MAGED1: variants seen among roughly 807,000 people sequenced by gnomAD.
MAGED1 encodes the protein MAGE family member D1.
Under a neutral mutation model 54.1 loss-of-function variants are expected in MAGED1, and 3 were observed. The ratio of observed to expected loss-of-function variants is 0.06; its 90% confidence interval spans 0.03 to 0.14. The LOEUF is 0.14. MAGED1 is among the 10% of genes least tolerant of loss of function. The pLI, the probability that MAGED1 is intolerant of heterozygous loss-of-function variation, is 1.00. For missense variants in MAGED1, 485 were observed against 623.4 expected (o/e 0.78, Z 2.36); for synonymous variants, 217 against 227.3 (o/e 0.95, Z 0.41).
intron 6 of MAGED1, 32 bp downstream of exon 6, chrX:51,897,658 T>C: frequency 1.7e-6 from 2 of 1,156,437 alleles, no homozygotes; most frequent in Non-Finnish European, 2.4e-6. Context: ...ACAGGAATAA[T>C]GGGGAAAGTC....
At chrX:51,873,419 T>G (rs781955115) in intron 1 of MAGED1, among the ~76,000 whole-genome samples, 66 of 110,343 alleles carry the variant, frequency 6.0e-4, no homozygotes, top group Non-Finnish European at 1.0e-3. Context: ...TATGATAGTT[T>G]GGAGAACTGG....
intron 1 of MAGED1, among the ~76,000 whole-genome samples, chrX:51,851,948 T>C (rs1254746024): frequency 2.7e-5 from 3 of 111,972 alleles, no homozygotes; most frequent in African/African-American, 9.7e-5. Flanking sequence ...GATGTATTAG[T>C]TTCCTATTAC....
intron 1 of MAGED1, among the ~76,000 whole-genome samples, chrX:51,828,230 G>A (rs1249618064): frequency 1.8e-5 from 2 of 110,751 alleles, no homozygotes; most frequent in Non-Finnish European, 1.9e-5. Context: ...TGCTTCCTGT[G>A]TAGTGTAGGT....
At chrX:51,840,517 T>C (rs782387369) in intron 1 of MAGED1, among the ~76,000 whole-genome samples, 4 of 109,636 alleles carry the variant, frequency 3.6e-5, no homozygotes, top group Admixed American at 9.8e-5. Context: ...ATGTGCCATG[T>C]TGGTGTGCTG....
chrX:51,895,582 C>T lies in MAGED1; in HGVS notation c.575C>T (p.Thr192Ile), dbSNP rs1330910040. ...TGGAATGATACCACTAAGGCCCCAACAGCTGATACCCAGACCCAGAATGTA... is the reference window on the plus strand; with the variant it reads ...TGGAATGATACCACTAAGGCCCCAATAGCTGATACCCAGACCCAGAATGTA... ...KAWNDTTKAP[T>I]ADTQTQNVNQ... is the part of the protein sequence containing the mutation. The change falls in exon 3 of 13, where the codon ACA becomes ATA. Residue 192 changes from threonine (T) to isoleucine (I), a missense_variant. Coordinates refer to ENST00000326587, the MANE Select transcript of MAGED1 (RefSeq NM_006986.4). 8 of 1,211,934 alleles carry T rather than the reference C, an allele frequency of 6.6e-6. No individual in the cohort carries two copies. Among genetic ancestry groups the T allele is most frequent in the South Asian group, 1.8e-5 (1 of 56,875 alleles).
chrX:51,858,650 T>C (rs1557360405), intron 1 of MAGED1, among the ~76,000 whole-genome samples: 1 of 110,977 alleles, frequency 9.0e-6, no homozygotes, highest in African/African-American at 3.3e-5. Flanking sequence ...AGGAACAAGG[T>C]AGAGTTACCC....
intron 1 of MAGED1, among the ~76,000 whole-genome samples, chrX:51,870,274 G>A (rs1269416135): frequency 8.9e-6 from 1 of 112,176 alleles, no homozygotes; most frequent in Admixed American, 9.4e-5. Flanking sequence ...TTTCACAAAA[G>A]TATTGGTTGA....
At chrX:51,874,373 AAAC>A in intron 1 of MAGED1, among the ~76,000 whole-genome samples, 1 of 111,437 alleles carries the variant, frequency 9.0e-6, no homozygotes, top group Admixed American at 9.5e-5. Flanking sequence ...GATGGAGATG[AAAC>A]CAGAAGACAG....
At position 51,898,334 on chromosome X, in the gene MAGED1, T is replaced by C. The variant is rs369817972; in HGVS notation, c.1781+7T>C. ...AGATGGGACTGCGTCCTGGGTATGA[T>C]TGGGCTCTCTCATCTCTTGCCTGTT... is the stretch of plus-strand genomic sequence containing the variant. On this transcript the variant is annotated splice_region_variant and intron_variant, in intron 9 of 12. Coordinates refer to ENST00000326587, the MANE Select transcript of MAGED1 (RefSeq NM_006986.4). The C allele has an allele frequency of 1.7e-6, 2 of 1,210,718 alleles. No individual in the cohort carries two copies. The highest frequency in any genetic ancestry group is 5.9e-5 in the East Asian group (2 of 33,813).
intron 1 of MAGED1, chrX:51,857,875 T>C (rs1308196564): frequency 1.8e-5 from 2 of 112,392 alleles, no homozygotes; most frequent in Admixed American, 1.9e-4. Flanking sequence ...ATCAGCCTTA[T>C]TTGATATTGG....
chrX:51,858,563 C>G (rs1344816196), intron 1 of MAGED1, among the ~76,000 whole-genome samples: 2 of 111,803 alleles, frequency 1.8e-5, no homozygotes, highest in Non-Finnish European at 3.8e-5. Context: ...TCACCCTAAC[C>G]ACTTTCTGTG....
chrX:51,874,146 G>A (rs1160506105), intron 1 of MAGED1, among the ~76,000 whole-genome samples: 2 of 111,490 alleles, frequency 1.8e-5, no homozygotes, highest in African/African-American at 6.5e-5. Flanking sequence ...GACTGGCAGA[G>A]TTTGAGATGC....
intron 1 of MAGED1, among the ~76,000 whole-genome samples, chrX:51,886,903 A>G (rs1557362861): frequency 1.8e-5 from 2 of 110,040 alleles, no homozygotes; most frequent in African/African-American, 3.3e-5. Flanking sequence ...AAAAATTCAA[A>G]TAATTAACTG....
intron 1 of MAGED1, among the ~76,000 whole-genome samples, chrX:51,884,382 G>A (rs1338617582): frequency 9.0e-6 from 1 of 111,541 alleles, no homozygotes; most frequent in African/African-American, 3.3e-5. Context: ...CATTAACCTG[G>A]AATTAAATAC....
intron 1 of MAGED1, among the ~76,000 whole-genome samples, chrX:51,863,557 G>A (rs182549992): frequency 8.9e-6 from 1 of 111,804 alleles, no homozygotes; most frequent in Admixed American, 9.5e-5. Context: ...CCTCCATACT[G>A]TTTCTGCTAG....
intron 3 of MAGED1, 111 bp downstream of exon 3, chrX:51,895,871 A>C: frequency 1.7e-6 from 1 of 596,622 alleles, no homozygotes; most frequent in South Asian, 3.3e-5. Context: ...GCTAGGCTAT[A>C]GGGCATTTGA....
chrX:51,816,287 G>A (rs782740295), intron 1 of MAGED1, among the ~76,000 whole-genome samples: 9 of 110,564 alleles, frequency 8.1e-5, no homozygotes, highest in Non-Finnish European at 1.5e-4. Flanking sequence ...GCTAATTTTT[G>A]TATTTTTAAT....
chrX:51,890,942 A>G (rs1298795279), upstream of MAGED1, among the ~76,000 whole-genome samples: 1 of 111,442 alleles, frequency 9.0e-6, no homozygotes, highest in African/African-American at 3.3e-5. Context: ...ATAAGAATAC[A>G]TGTACAAGTA....
chrX:51,815,032 A>G (rs1320332212), intron 1 of MAGED1, among the ~76,000 whole-genome samples: 2 of 106,430 alleles, frequency 1.9e-5, no homozygotes, highest in Admixed American at 2.0e-4. Context: ...GGTCCCAGGT[A>G]CTCTGGAGGC....
Sources: allele counts gnomAD v4.1 joint callset (sites outside exome capture counted in the v4.1 genomes callset), GRCh38; gene constraint gnomAD v4.1.1; transcripts MANE v1.5; gene names NCBI Gene and HGNC (gene_info 2026-07-23, HGNC 2026-07-21).